CRTAC1: variants seen among roughly 807,000 people sequenced by gnomAD.
CRTAC1 encodes the protein cartilage acidic protein 1.
A neutral mutation model predicts 67.8 loss-of-function variants in CRTAC1; 37 were observed. The observed-to-expected ratio is 0.55, with a 90% CI of 0.42 to 0.72. The LOEUF (loss-of-function observed/expected upper bound fraction) is 0.72, where lower values mean the gene tolerates loss of function less well. Ranked by LOEUF, CRTAC1 falls within the 30% of genes least tolerant of loss-of-function variation. CRTAC1 has a pLI of 0.00. For missense variants in CRTAC1, 780 were observed against 931.6 expected (o/e 0.84, Z 2.12); for synonymous variants, 348 against 371.0 (o/e 0.94, Z 0.71).
At chr10:97,981,589 C>A (rs1371098077) in intron 2 of CRTAC1, among the ~76,000 whole-genome samples, 1 of 152,162 alleles carries the variant, frequency 6.6e-6, no homozygotes, top group Non-Finnish European at 1.5e-5. Flanking sequence ...ATATGCACAA[C>A]AAATAGCCTT....
At chr10:98,021,354 C>G (rs1235341425) in intron 1 of CRTAC1, among the ~76,000 whole-genome samples, 1 of 152,154 alleles carries the variant, frequency 6.6e-6, no homozygotes, top group East Asian at 1.9e-4. Flanking sequence ...CACTCATAGA[C>G]AGGAGACTTG....
At chr10:97,876,739 C>T (rs1166276669) in intron 14 of CRTAC1, among the ~76,000 whole-genome samples, 1 of 152,100 alleles carries the variant, frequency 6.6e-6, no homozygotes, top group Admixed American at 6.5e-5. Context: ...TATCTGTGTG[C>T]AGGAGGGGAC....
At chr10:97,918,929 A>G (rs7916153) in intron 4 of CRTAC1, among the ~76,000 whole-genome samples, 124,330 of 151,676 alleles carry the variant, frequency 0.82, 51,867 homozygotes, top group Non-Finnish European at 0.89. Flanking sequence ...GATTACAGGC[A>G]CGCACCACCA....
At chr10:97,904,421 T>C (rs186624033) in intron 7 of CRTAC1, among the ~76,000 whole-genome samples, 136 of 152,182 alleles carry the variant, frequency 8.9e-4, no homozygotes, top group African/African-American at 2.8e-3. Flanking sequence ...TTTTATTTTA[T>C]TTATTTATTT....
At chr10:98,024,310 A>G (rs2136708537) in intron 1 of CRTAC1, among the ~76,000 whole-genome samples, 1 of 152,364 alleles carries the variant, frequency 6.6e-6, no homozygotes, top group South Asian at 2.1e-4. Context: ...TTCCATAGCT[A>G]ATTAAAGTAA....
intron 6 of CRTAC1, among the ~76,000 whole-genome samples, chr10:97,907,794 A>T (rs1590199840): frequency 6.6e-6 from 1 of 151,972 alleles, no homozygotes. Context: ...GGAGTTTCAG[A>T]CCCCTTTCCC....
rs140631659 is a variant in CRTAC1, at chr10:98,008,816, C to T, written c.224+2322G>A. 2.7e-3 allele frequency among the ~76,000 whole-genome samples: 418 copies of T among 152,270 alleles called. 1 individual carries two copies. The highest frequency in any genetic ancestry group is 4.4e-3 in the Non-Finnish European group (302 of 68,020). On this transcript the variant is annotated intron_variant, in intron 2 of 14. Transcript: ENST00000370597. ...GGGGGCGAGGAGGAGGAGAGAAGGA[C>T]GGTTGCCTTGCCATTCTCTGTCCTC...
Position 97,901,500 on chromosome 10 carries a change from T to C in CRTAC1, c.1133+3A>G. ...GAGCCACGAGCCAGGATGGAGCATC[T>C]ACCGGAAGAGGCGGTTGGCTGAGGA... On this transcript the variant is annotated splice_donor_region_variant and intron_variant, in intron 8 of 14. Transcript: ENST00000370597. 1 of 1,614,134 alleles carries C rather than the reference T, an allele frequency of 6.2e-7. No homozygotes were observed. The highest frequency in any genetic ancestry group is 8.5e-7 in the Non-Finnish European group (1 of 1,179,984).
At chr10:97,924,581 G>A (rs1386591675) in intron 3 of CRTAC1, among the ~76,000 whole-genome samples, 1 of 152,182 alleles carries the variant, frequency 6.6e-6, no homozygotes, top group Non-Finnish European at 1.5e-5. Flanking sequence ...CTCCAGACTC[G>A]AGGCATGCTG....
At chr10:97,913,137 T>C (rs61181422) in intron 5 of CRTAC1, among the ~76,000 whole-genome samples, 1 of 138,200 alleles carries the variant, frequency 7.2e-6, no homozygotes. Flanking sequence ...AGAGAGAGAG[T>C]GTGTGTGTGT....
chr10:97,925,919 C>T (rs1289438540), intron 3 of CRTAC1, among the ~76,000 whole-genome samples: 1 of 152,140 alleles, frequency 6.6e-6, no homozygotes. Flanking sequence ...AAGGGTTGGT[C>T]TCTGAGGGGG....
At chr10:97,887,307 T>TCTCA (rs1228719745) in intron 11 of CRTAC1, among the ~76,000 whole-genome samples, 1 of 150,870 alleles carries the variant, frequency 6.6e-6, no homozygotes, top group African/African-American at 2.5e-5. Context: ...AGTGGTGGGA[T>TCTCA]CTCAGTTCAC....
chr10:97,938,404 C>G (rs1330336262), intron 2 of CRTAC1, among the ~76,000 whole-genome samples: 1 of 152,082 alleles, frequency 6.6e-6, no homozygotes, highest in Non-Finnish European at 1.5e-5. Flanking sequence ...GTTAAAAGCA[C>G]CCTCATATGC....
intron 1 of CRTAC1, among the ~76,000 whole-genome samples, chr10:98,012,828 A>G (rs1842932999): frequency 6.6e-6 from 1 of 152,212 alleles, no homozygotes. Flanking sequence ...TAGTGTGTTC[A>G]CAGGGCACAT....
intron 2 of CRTAC1, among the ~76,000 whole-genome samples, chr10:97,946,706 C>T (rs2051270147): frequency 6.6e-6 from 1 of 152,172 alleles, no homozygotes; most frequent in Non-Finnish European, 1.5e-5. Flanking sequence ...TGGAGACAAA[C>T]CTACCAGGGC....
chr10:97,931,918 TC>T (rs2051009631), intron 3 of CRTAC1, among the ~76,000 whole-genome samples: 1 of 152,054 alleles, frequency 6.6e-6, no homozygotes, highest in Admixed American at 6.5e-5. Context: ...CTGTCTCTTG[TC>T]CCCCTGCGTC....
At chr10:98,003,363 G>T (rs1480517022) in intron 2 of CRTAC1, among the ~76,000 whole-genome samples, 1 of 152,126 alleles carries the variant, frequency 6.6e-6, no homozygotes, top group Non-Finnish European at 1.5e-5. Context: ...TCCAGCATTG[G>T]TCCTGCTGGG....
intron 14 of CRTAC1, chr10:97,866,573 TGA>T (rs1055481569): frequency 7.9e-5 from 12 of 152,404 alleles, no homozygotes; most frequent in African/African-American, 2.4e-4. Flanking sequence ...CGTAAATGTG[TGA>T]GTCTGCGTGT....
chr10:97,979,495 T>C (rs1196823825), intron 2 of CRTAC1, among the ~76,000 whole-genome samples: 1 of 152,236 alleles, frequency 6.6e-6, no homozygotes, highest in African/African-American at 2.4e-5. Context: ...TGATGTCACA[T>C]GCTGCTGGTC....
Sources: gnomAD v4.1 joint callset for allele counts (sites outside exome capture counted in the v4.1 genomes callset) on GRCh38, gnomAD v4.1.1 for gene constraint, MANE v1.5 for transcripts, NCBI Gene and HGNC (gene_info 2026-07-23, HGNC 2026-07-21) for gene names.